Variants in SPATA6 observed in about 807,000 individuals in gnomAD.
The protein encoded by SPATA6 is spermatogenesis associated 6.
A neutral mutation model predicts 65.3 loss-of-function variants in SPATA6; 56 were observed. The observed-to-expected ratio is 0.86, with a 90% confidence interval of 0.69 to 1.07. The LOEUF is 1.07. Among genes scored for constraint, SPATA6 ranks in the 50% least tolerant of loss-of-function variants. The pLI is 0.00. For synonymous variants in SPATA6, 199 were observed against 213.2 expected (o/e 0.93, Z 0.58); for missense variants, 590 against 594.8 (o/e 0.99, Z 0.08).
intron 11 of SPATA6, chr1:48,325,417 G>A: frequency 7.5e-7 from 1 of 1,342,148 alleles, no homozygotes; most frequent in Non-Finnish European, 1.1e-6. Flanking sequence ...CCCTCCCCCA[G>A]CTTCTTCTTG....
intron 3 of SPATA6, chr1:48,437,209 T>C (rs574067212): frequency 9.3e-6 from 15 of 1,612,336 alleles, no homozygotes; most frequent in Middle Eastern, 1.7e-4. Flanking sequence ...AAAAGACTCA[T>C]ACTTGGAATT....
the SPATA6 span, among the ~76,000 whole-genome samples, chr1:48,281,557 C>T: frequency 4.0e-5 from 6 of 151,888 alleles, no homozygotes; most frequent in African/African-American, 1.2e-4. Flanking sequence ...AACAGAGAGC[C>T]AAATCATGAG....
the SPATA6 span, among the ~76,000 whole-genome samples, chr1:48,277,859 G>A: frequency 6.6e-6 from 1 of 152,228 alleles, no homozygotes; most frequent in Non-Finnish European, 1.5e-5. Context: ...GGAGATCTGA[G>A]AATGGGCAGA....
chr1:48,293,066 C>T (rs1240186298), downstream of SPATA6, among the ~76,000 whole-genome samples: 4 of 152,172 alleles, frequency 2.6e-5, no homozygotes, highest in Non-Finnish European at 5.9e-5. Context: ...AAGACCAGGC[C>T]GCTATGAACC....
chr1:48,390,527 G>T (rs542084638), intron 8 of SPATA6, among the ~76,000 whole-genome samples: 5 of 152,232 alleles, frequency 3.3e-5, no homozygotes, highest in African/African-American at 1.2e-4. Context: ...TAACAACATT[G>T]TATTATATAT....
chr1:48,309,071 C>G (rs952752794), intron 11 of SPATA6, among the ~76,000 whole-genome samples: 1 of 151,980 alleles, frequency 6.6e-6, no homozygotes, highest in Admixed American at 6.6e-5. Flanking sequence ...TTCAGACTTA[C>G]GGTTTATAAT....
chr1:48,330,198 TAG>T (rs1475477344), intron 11 of SPATA6, among the ~76,000 whole-genome samples: 2 of 152,032 alleles, frequency 1.3e-5, no homozygotes, highest in Non-Finnish European at 2.9e-5. Flanking sequence ...CAATGCTTAC[TAG>T]AGTGTCCAGC....
At chr1:48,365,585 A>T (rs1490960245) in intron 9 of SPATA6, among the ~76,000 whole-genome samples, 1 of 152,046 alleles carries the variant, frequency 6.6e-6, no homozygotes, top group Non-Finnish European at 1.5e-5. Flanking sequence ...TTCACTCATG[A>T]TTTGGCTGTT....
At chr1:48,267,909 G>A in the SPATA6 span, among the ~76,000 whole-genome samples, 2 of 151,690 alleles carry the variant, frequency 1.3e-5, no homozygotes, top group Admixed American at 6.6e-5. Flanking sequence ...CCGCCACCAC[G>A]CTTGGCTAAT....
At chr1:48,264,425 T>G in the SPATA6 span, among the ~76,000 whole-genome samples, 1,068 of 152,260 alleles carry the variant, frequency 7.0e-3, 13 homozygotes, top group African/African-American at 0.025. Context: ...AACATGCAGG[T>G]TTGTTACATA....
At chr1:48,276,820 G>C in the SPATA6 span, among the ~76,000 whole-genome samples, 64 of 152,340 alleles carry the variant, frequency 4.2e-4, no homozygotes, top group African/African-American at 1.5e-3. Flanking sequence ...GATTTGGGTG[G>C]AGAATTGTGT....
At chr1:48,287,978 T>C in the SPATA6 span, among the ~76,000 whole-genome samples, 1 of 152,246 alleles carries the variant, frequency 6.6e-6, no homozygotes, top group Non-Finnish European at 1.5e-5. Context: ...ATAAGTTTCC[T>C]GTATATCTAT....
At chr1:48,437,759 T>C (rs1248133512) in intron 3 of SPATA6, among the ~76,000 whole-genome samples, 1 of 152,064 alleles carries the variant, frequency 6.6e-6, no homozygotes, top group African/African-American at 2.4e-5. Context: ...CATTAAATGA[T>C]TCACTTGAAA....
chr1:48,421,583 C>T (rs771792412), intron 3 of SPATA6, among the ~76,000 whole-genome samples: 3 of 151,820 alleles, frequency 2.0e-5, no homozygotes, highest in African/African-American at 7.3e-5. Context: ...AGACTTAAGA[C>T]ATAATATGAA....
chr1:48,396,820 G>GA (rs1192503800), intron 7 of SPATA6, among the ~76,000 whole-genome samples: 10 of 151,400 alleles, frequency 6.6e-5, no homozygotes, highest in Non-Finnish European at 3.0e-5. Flanking sequence ...TTAGCAAGAT[G>GA]AAAAAAGTTC....
At chr1:48,281,368 C>A in the SPATA6 span, among the ~76,000 whole-genome samples, 1 of 151,638 alleles carries the variant, frequency 6.6e-6, no homozygotes, top group Non-Finnish European at 1.5e-5. Flanking sequence ...AAAGGGTATT[C>A]AATTAGGAAA....
At chr1:48,261,729 C>T in the SPATA6 span, among the ~76,000 whole-genome samples, 1 of 152,084 alleles carries the variant, frequency 6.6e-6, no homozygotes, top group Non-Finnish European at 1.5e-5. Flanking sequence ...CCAATCTTCA[C>T]ATTTGGTATA....
chr1:48,388,500 A>G (rs921962531), intron 8 of SPATA6, among the ~76,000 whole-genome samples: 3 of 152,230 alleles, frequency 2.0e-5, no homozygotes, highest in African/African-American at 7.2e-5. Flanking sequence ...AATCAAAAAC[A>G]AAGTCATGAA....
At chr1:48,420,042 G>T (rs1345845471) in intron 3 of SPATA6, among the ~76,000 whole-genome samples, 1 of 152,154 alleles carries the variant, frequency 6.6e-6, no homozygotes, top group African/African-American at 2.4e-5. Context: ...AGTATGATTA[G>T]AGTTGGGACT....
Sources: allele counts gnomAD v4.1 joint callset (sites outside exome capture counted in the v4.1 genomes callset), GRCh38; gene constraint gnomAD v4.1.1; transcripts MANE v1.5; gene names NCBI Gene and HGNC (gene_info 2026-07-23, HGNC 2026-07-21).